Variants in TSC22D1 observed in about 807,000 individuals in gnomAD.
The protein encoded by TSC22D1 is TSC22 domain family protein 1.
TSC22D1 carries 9 observed loss-of-function variants against 74.2 expected under a neutral mutation model. That is an observed-to-expected ratio of 0.12 (90% CI 0.07 to 0.21). The LOEUF is 0.21. Among genes scored for constraint, TSC22D1 ranks in the 10% least tolerant of loss-of-function variants. The pLI, the probability that TSC22D1 is intolerant of heterozygous loss-of-function variation, is 1.00. For synonymous variants in TSC22D1, 586 were observed against 492.5 expected, an observed-to-expected ratio of 1.19 and a Z score of -2.51; for missense variants, 1,427 against 1,304.7, an observed-to-expected ratio of 1.09 and a Z score of -1.44.
At chr13:44,463,771 G>A (rs9533866) in intron 1 of TSC22D1, among the ~76,000 whole-genome samples, 15,083 of 152,214 alleles carry the variant, frequency 0.099, 776 homozygotes, top group Non-Finnish European at 0.11. Flanking sequence ...GAATGCCAGA[G>A]TAGAAGATTA....
Position 44,523,035 on chromosome 13 carries a change from G to GAA in TSC22D1, c.2912+50126_2912+50127dup, listed in dbSNP as rs55966706. Among the ~76,000 whole-genome samples, 18 of 133,238 alleles carry GAA rather than the reference G, an allele frequency of 1.4e-4. No individual in the cohort carries two copies. In the East Asian group the frequency reaches 1.7e-3, roughly 13 times the overall value. 87.4% of individuals were successfully genotyped at this position (133,238 alleles called of 152,430 possible). A position where few individuals can be genotyped will look rare whatever the true frequency, so the allele number is the denominator to read the frequency against. ...CAGATGTATCACCAAAGATAATAGA[G>GAA]AAAAAAAAAAAACATGAAATGGAGC... On this transcript the variant is annotated intron_variant, in intron 1 of 2. Coordinates refer to ENST00000458659, the MANE Select transcript of TSC22D1 (RefSeq NM_183422.4).
intron 1 of TSC22D1, among the ~76,000 whole-genome samples, chr13:44,542,392 A>G (rs898262936): frequency 6.6e-6 from 1 of 152,104 alleles, no homozygotes; most frequent in Non-Finnish European, 1.5e-5. Context: ...TTTCTCCTAC[A>G]ACAGGAACTT....
intron 1 of TSC22D1, among the ~76,000 whole-genome samples, chr13:44,549,914 T>C (rs569326254): frequency 4.6e-5 from 7 of 152,084 alleles, no homozygotes; most frequent in Admixed American, 6.5e-5. Flanking sequence ...AAATTTTAAA[T>C]GTCCAACATG....
intron 1 of TSC22D1, among the ~76,000 whole-genome samples, chr13:44,491,553 C>CAA (rs1166772028): frequency 1.3e-4 from 7 of 55,978 alleles, no homozygotes; most frequent in Non-Finnish European, 2.2e-4. Context: ...GACTCCGTCT[C>CAA]AAAAAAAAAA....
Position 44,434,714 on chromosome 13 carries a change from G to A in TSC22D1, c.3134C>T (p.Thr1045Ile). Residue 1045 changes from threonine (T) to isoleucine (I), a missense_variant, in exon 3 of 3, where the codon ACT becomes ATT. Around this residue, in one of 3 missense-constraint regions of TSC22D1, gnomAD observed 63 missense variants for 50.5 expected, o/e 1.25. Coordinates refer to ENST00000458659, the MANE Select transcript of TSC22D1 (RefSeq NM_183422.4). ...QLAQFQAQLQ[T>I]GSPPATTQPQ... is the part of the protein sequence containing the mutation. ...CTGGGTGGTGGCAGGGGGGGAGCCAGTCTGCAGCTGGGCCTGAAACTGGGC... is the reference window on the plus strand; with the variant it reads ...CTGGGTGGTGGCAGGGGGGGAGCCAATCTGCAGCTGGGCCTGAAACTGGGC... The A allele has an allele frequency of 1.2e-6, 2 of 1,612,794 alleles. No homozygotes were observed. Among genetic ancestry groups the A allele is most frequent in the Non-Finnish European group, 1.7e-6 (2 of 1,179,728 alleles).
intron 1 of TSC22D1, among the ~76,000 whole-genome samples, chr13:44,464,667 C>A (rs1877170561): frequency 6.6e-6 from 1 of 152,208 alleles, no homozygotes; most frequent in African/African-American, 2.4e-5. Context: ...TGAATTACAG[C>A]CTTTATCAAG....
At chr13:44,494,500 C>G (rs1175241) in intron 1 of TSC22D1, among the ~76,000 whole-genome samples, 148,909 of 151,544 alleles carry the variant, frequency 0.98, 73,191 homozygotes, top group Non-Finnish European at 1. Context: ...CAAGGCTGCA[C>G]TGAGCCATAA....
intron 1 of TSC22D1, among the ~76,000 whole-genome samples, chr13:44,517,699 A>G (rs1436730119): frequency 6.8e-6 from 1 of 146,954 alleles, no homozygotes; most frequent in Admixed American, 6.8e-5. Context: ...AAAAAAAAAA[A>G]AGTTTAAGTA....
At position 44,432,984 on chromosome 13, in the gene TSC22D1, A is replaced by T. The variant is rs1666680827; in HGVS notation, c.*1642T>A. 2.6e-5 allele frequency: 4 copies of T among 152,178 alleles called. No individual in the cohort carries two copies. The highest frequency in any genetic ancestry group is 6.5e-5 in the Admixed American group (1 of 15,274). 9.4% of individuals were successfully genotyped at this position (152,178 alleles called of 1,614,324 possible). A position where few individuals can be genotyped will look rare whatever the true frequency, so the allele number is the denominator to read the frequency against. On this transcript the variant is annotated 3_prime_UTR_variant, in exon 3 of 3. Coordinates refer to ENST00000458659, the MANE Select transcript of TSC22D1 (RefSeq NM_183422.4). Reference sequence around the variant, plus strand: ...AGGACATCCTTGCTCATCTGGTCCCACCTCAAATCATCTTTTGCTTAGACA... The same window carrying T: ...AGGACATCCTTGCTCATCTGGTCCCTCCTCAAATCATCTTTTGCTTAGACA...
chr13:44,455,272 G>A (rs1363205766), intron 1 of TSC22D1, among the ~76,000 whole-genome samples: 2 of 152,194 alleles, frequency 1.3e-5, no homozygotes, highest in Non-Finnish European at 1.5e-5. Flanking sequence ...AACTCTTCCA[G>A]CAGGGAGAAC....
At chr13:44,538,803 A>G (rs1033552983) in intron 1 of TSC22D1, 1 of 985,310 alleles carries the variant, frequency 1.0e-6, no homozygotes, top group Non-Finnish European at 1.2e-6. Flanking sequence ...AGGTGCTGGC[A>G]TGTGTGACAG....
intron 1 of TSC22D1, among the ~76,000 whole-genome samples, chr13:44,563,554 C>T (rs1487688695): frequency 6.6e-6 from 1 of 152,144 alleles, no homozygotes; most frequent in African/African-American, 2.4e-5. Context: ...CAGTCATTTC[C>T]TATCACTTAA....
At chr13:44,456,150 G>C (rs999958686) in intron 1 of TSC22D1, among the ~76,000 whole-genome samples, 14 of 152,208 alleles carry the variant, frequency 9.2e-5, no homozygotes, top group African/African-American at 2.9e-4. Context: ...GAGTGTTACA[G>C]CTCAGCTCAT....
intron 1 of TSC22D1, among the ~76,000 whole-genome samples, chr13:44,487,139 A>T (rs2137946980): frequency 6.6e-6 from 1 of 152,232 alleles, no homozygotes; most frequent in East Asian, 1.9e-4. Flanking sequence ...AAAATTATTT[A>T]CTCTCCAGCT....
At chr13:44,441,823 C>A (rs1298417930) in intron 1 of TSC22D1, among the ~76,000 whole-genome samples, 1 of 152,048 alleles carries the variant, frequency 6.6e-6, no homozygotes, top group Admixed American at 6.5e-5. Flanking sequence ...TTATAGGGAT[C>A]TGCAGCAGTT....
Position 44,433,596 on chromosome 13 carries a change from T to G in TSC22D1, c.*1030A>C, listed in dbSNP as rs765919383. 1 of 176,194 alleles carries G rather than the reference T, an allele frequency of 5.7e-6. No homozygotes were observed. The highest frequency in any genetic ancestry group is 1.6e-4 in the South Asian group (1 of 6,224). 10.9% of individuals were successfully genotyped at this position (176,194 alleles called of 1,614,324 possible). ...AATACAGTGACACCTTACAATTGTG[T>G]AGAGAACATGCACAGAAACATATGC... On this transcript the variant is annotated 3_prime_UTR_variant, in exon 3 of 3. Transcript: ENST00000458659.
Position 44,573,718 on chromosome 13 carries a change from TGAG to T in TSC22D1, c.2354_2356del (p.Pro785del), listed in dbSNP as rs1566185045. The T allele has an allele frequency of 6.2e-7, 1 of 1,614,214 alleles. No homozygotes were observed. On this transcript the variant is annotated inframe_deletion, in exon 1 of 3. Transcript: ENST00000458659. ...ACTTTGGGATGCAATAACCAATTGT[TGAG>T]GAAGGCTTGGAGCACTAGTTTGAAC...
At chr13:44,436,021 A>G (rs766515319) in intron 2 of TSC22D1, 23 bp downstream of exon 2, 4 of 1,610,342 alleles carry the variant, frequency 2.5e-6, no homozygotes, top group Non-Finnish European at 3.4e-6. Context: ...ATTTAGTATA[A>G]ATGATTTTTC....
At position 44,511,527 on chromosome 13, in the gene TSC22D1, G is replaced by A. The variant is rs191583446; in HGVS notation, c.2912+61636C>T. 1.8e-3 allele frequency among the ~76,000 whole-genome samples: 276 copies of A among 151,830 alleles called. 2 individuals are homozygous for A. The highest frequency in any genetic ancestry group is 6.4e-3 in the African/African-American group (263 of 41,396). On this transcript the variant is annotated intron_variant, in intron 1 of 2. Transcript: ENST00000458659. ...CAAGTTTTATTTATCGCTAACATCT[G>A]GCATATAACTAATTGACATATAGTA... is the stretch of plus-strand genomic sequence containing the variant.
Sources: gnomAD v4.1 joint callset for allele counts (sites outside exome capture counted in the v4.1 genomes callset) on GRCh38, gnomAD v4.1.1 for gene constraint, gnomAD v4.1.1 regional missense constraint, MANE v1.5 for transcripts, NCBI Gene and HGNC (gene_info 2026-07-23, HGNC 2026-07-21) for gene names.